The following ZKSCAN5 variants were observed in gnomAD, a reference collection of about 807,000 sequenced individuals.
ZKSCAN5 encodes the protein zinc finger with KRAB and SCAN domains 5.
Under a neutral mutation model 60.0 loss-of-function variants are expected in ZKSCAN5, and 28 were observed. That is an observed-to-expected ratio of 0.47 (90% CI 0.35 to 0.64). The LOEUF is 0.64. Ranked by LOEUF, ZKSCAN5 falls within the 30% of genes least tolerant of loss-of-function variation. The pLI is 0.01. For missense variants in ZKSCAN5, 881 were observed against 1,034.6 expected, an observed-to-expected ratio of 0.85 and a Z score of 2.04; for synonymous variants, 361 against 371.2, an observed-to-expected ratio of 0.97 and a Z score of 0.31.
intron 5 of ZKSCAN5, among the ~76,000 whole-genome samples, chr7:99,521,087 G>A (rs1224047248): frequency 6.6e-6 from 1 of 152,084 alleles, no homozygotes; most frequent in Non-Finnish European, 1.5e-5. Context: ...CAAACATTTT[G>A]GAGATTATAG....
At position 99,526,104 on chromosome 7, in the gene ZKSCAN5, T is replaced by C. The variant is rs1165242887; in HGVS notation, c.1064T>C (p.Phe355Ser). ...AGATGCAGCGATTGTGGCAAATTCT[T>C]CCTCCAAGCCTCAAACTTTATTCAG... is the stretch of plus-strand genomic sequence containing the variant. The part of the protein sequence containing the change: ...GHRCSDCGKF[F>S]LQASNFIQHR... The change falls in exon 6 of 7, where the codon TTC (phenylalanine) becomes TCC (serine). Residue 355 changes from phenylalanine (F) to serine (S), a missense_variant. This residue lies in a region of ZKSCAN5 where 490 missense variants were observed against 554.5 expected (regional missense o/e 0.88). Transcript: ENST00000326775. The C allele has an allele frequency of 6.2e-7, 1 of 1,614,136 alleles. No homozygotes were observed. Among genetic ancestry groups the C allele is most frequent in the East Asian group, 2.2e-5 (1 of 44,874 alleles).
rs1801795468 is a variant in ZKSCAN5, at chr7:99,526,416, G to A, written c.1376G>A (p.Arg459Lys). 1 of 1,597,720 alleles carries A rather than the reference G, an allele frequency of 6.3e-7. No individual in the cohort carries two copies. The highest frequency in any genetic ancestry group is 8.5e-7 in the Non-Finnish European group (1 of 1,178,552). Residue 459 changes from arginine (R) to lysine (K), a missense_variant and splice_region_variant, in exon 6 of 7, where the codon AGA becomes AAA. This residue lies in a region of ZKSCAN5 where 490 missense variants were observed against 554.5 expected (regional missense o/e 0.88). Transcript: ENST00000326775. ...LKRHFREKSQRCSDKRSKNTK... is the reference protein window; with the variant it reads ...LKRHFREKSQKCSDKRSKNTK... Reference sequence around the variant, plus strand: ...CGCCACTTCAGGGAGAAATCCCAGAGATGTACGTGTGAGGAGTTTATATCC... The same window carrying A: ...CGCCACTTCAGGGAGAAATCCCAGAAATGTACGTGTGAGGAGTTTATATCC...
intron 6 of ZKSCAN5, among the ~76,000 whole-genome samples, chr7:99,527,212 T>G (rs1003417415): frequency 1.3e-5 from 2 of 152,134 alleles, no homozygotes; most frequent in African/African-American, 2.4e-5. Flanking sequence ...GTGCCTGTAG[T>G]TGCAGCTCCT....
chr7:99,529,095 A>G lies in ZKSCAN5; in HGVS notation c.1379-2013A>G, dbSNP rs147294523. 5.4e-3 allele frequency among the ~76,000 whole-genome samples: 823 copies of G among 152,140 alleles called. 5 individuals are homozygous for G. Among genetic ancestry groups the G allele is most frequent in the African/African-American group, 0.018 (752 of 41,502 alleles). On this transcript the variant is annotated intron_variant, in intron 6 of 6. Coordinates refer to ENST00000326775, the MANE Select transcript of ZKSCAN5 (RefSeq NM_145102.4). ...ACCCTCTTCATCATCCTTCACTCTC[A>G]TTCTTCCAGTTTTTGTCAGTTCTCA...
intron 5 of ZKSCAN5, among the ~76,000 whole-genome samples, chr7:99,523,573 T>C (rs1290656371): frequency 6.6e-6 from 1 of 152,116 alleles, no homozygotes; most frequent in Non-Finnish European, 1.5e-5. Context: ...GCTGCTGTGT[T>C]CCAGCCTGGG....
chr7:99,507,539 ATATG>A (rs1192869446), intron 2 of ZKSCAN5, among the ~76,000 whole-genome samples: 1 of 143,854 alleles, frequency 7.0e-6, no homozygotes, highest in Non-Finnish European at 1.5e-5. Flanking sequence ...GTGTATATAT[ATATG>A]TATATATATG....
Position 99,525,918 on chromosome 7 carries a change from A to C in ZKSCAN5, c.878A>C (p.Asp293Ala). 1.2e-6 allele frequency: 2 copies of C among 1,614,082 alleles called. No individual in the cohort carries two copies. Among genetic ancestry groups the C allele is most frequent in the Non-Finnish European group, 1.7e-6 (2 of 1,180,038 alleles). ...PEHTERSVPQDPDFAEVSDLK... is the reference protein window; with the variant it reads ...PEHTERSVPQAPDFAEVSDLK... ...CACACCGAAAGGAGCGTTCCTCAGG[A>C]TCCAGACTTTGCAGAAGTCAGTGAC... is the stretch of plus-strand genomic sequence containing the variant. The change falls in exon 6 of 7, where the codon GAT (aspartate) becomes GCT (alanine). Residue 293 changes from aspartate to alanine, a missense_variant. Physicochemically the swap from Asp to Ala is moderately radical, Grantham distance 126. Coordinates refer to ENST00000326775, the MANE Select transcript of ZKSCAN5 (RefSeq NM_145102.4).
At position 99,533,256 on chromosome 7, in the gene ZKSCAN5, G is replaced by T; in HGVS notation, c.*1007G>T. ...TGGGATTGAAAGTAATCAGTCGTGA[G>T]CAGGCAGGCAGGAGGTCCTGTTAGC... On this transcript the variant is annotated 3_prime_UTR_variant, in exon 7 of 7. Transcript: ENST00000326775. 1.5e-6 allele frequency: 1 copy of T among 689,298 alleles called. No individual in the cohort carries two copies. The highest frequency in any genetic ancestry group is 2.7e-6 in the Non-Finnish European group (1 of 376,874). 42.7% of individuals were successfully genotyped at this position (689,298 alleles called of 1,614,324 possible).
At position 99,532,521 on chromosome 7, in the gene ZKSCAN5, C is replaced by G. The variant is rs183948169; in HGVS notation, c.*272C>G. Reference sequence around the variant, plus strand: ...CATGGATGGACATGGTCGAGGAATTCGGAAAGCCTGCAGTTGACATTCAGT... The same window carrying G: ...CATGGATGGACATGGTCGAGGAATTGGGAAAGCCTGCAGTTGACATTCAGT... On this transcript the variant is annotated 3_prime_UTR_variant, in exon 7 of 7. Transcript: ENST00000326775. The G allele has an allele frequency of 3.2e-6, 1 of 310,356 alleles. No individual in the cohort carries two copies. Among genetic ancestry groups the G allele is most frequent in the Non-Finnish European group, 5.9e-6 (1 of 169,944 alleles). The allele number at this position is 310,356 out of a possible 1,614,324, so 19.2% of individuals were successfully genotyped here. A position where few individuals can be genotyped will look rare whatever the true frequency, so the allele number is the denominator to read the frequency against.
chr7:99,520,023 G>T (rs1584188445), intron 4 of ZKSCAN5, 114 bp downstream of exon 4: 1 of 1,495,284 alleles, frequency 6.7e-7, no homozygotes, highest in East Asian at 2.3e-5. Context: ...CATTCCTTTG[G>T]CCTTTTTCCT....
intron 5 of ZKSCAN5, among the ~76,000 whole-genome samples, chr7:99,525,090 C>T (rs529444775): frequency 1.5e-3 from 223 of 151,764 alleles, no homozygotes; most frequent in African/African-American, 5.0e-3. Flanking sequence ...CACTTGAACC[C>T]GGGAGGCAGA....
chr7:99,530,034 C>CT (rs34431974), intron 6 of ZKSCAN5, among the ~76,000 whole-genome samples: 8,065 of 105,130 alleles, frequency 0.077, 712 homozygotes, highest in African/African-American at 0.13. Context: ...TGCACCCGGC[C>CT]TTTTTTTTTT....
intron 2 of ZKSCAN5, among the ~76,000 whole-genome samples, chr7:99,506,776 G>A (rs1800752399): frequency 1.3e-5 from 2 of 152,100 alleles, no homozygotes; most frequent in Non-Finnish European, 2.9e-5. Context: ...TCCGCCTCCC[G>A]GGTTCACGCC....
At chr7:99,520,105 T>A in intron 4 of ZKSCAN5, 64 bp from the exon 5 acceptor site, 1 of 1,592,870 alleles carries the variant, frequency 6.3e-7, no homozygotes, top group Non-Finnish European at 8.6e-7. Context: ...ATGAGCCCAG[T>A]TCTTCCCCTC....
chr7:99,510,191 C>A (rs1186604948), intron 2 of ZKSCAN5, among the ~76,000 whole-genome samples: 3 of 151,770 alleles, frequency 2.0e-5, no homozygotes, highest in Non-Finnish European at 4.4e-5. Flanking sequence ...GCGTTGGCCT[C>A]CCAAGGTGCT....
At chr7:99,517,852 A>G (rs1801334074) in intron 3 of ZKSCAN5, among the ~76,000 whole-genome samples, 2 of 152,124 alleles carry the variant, frequency 1.3e-5, no homozygotes, top group South Asian at 4.1e-4. Flanking sequence ...GTCTCAAAAA[A>G]AAAAAAAAGA....
At position 99,533,709 on chromosome 7, in the gene ZKSCAN5, C is replaced by G; in HGVS notation, c.*1460C>G. 2.5e-6 allele frequency: 1 copy of G among 399,520 alleles called. No individual in the cohort carries two copies. 24.7% of individuals were successfully genotyped at this position (399,520 alleles called of 1,614,324 possible). A position where few individuals can be genotyped will look rare whatever the true frequency, so the allele number is the denominator to read the frequency against. On this transcript the variant is annotated 3_prime_UTR_variant, in exon 7 of 7. Coordinates refer to ENST00000326775, the MANE Select transcript of ZKSCAN5 (RefSeq NM_145102.4). ...TATGACTGCTCTGGCACCCTTGGAT[C>G]AGGCCAAGCTAGACTTTTTCTGAGC... is the stretch of plus-strand genomic sequence containing the variant.
At chr7:99,513,256 G>A (rs933880278) in intron 3 of ZKSCAN5, among the ~76,000 whole-genome samples, 7 of 151,788 alleles carry the variant, frequency 4.6e-5, no homozygotes, top group African/African-American at 1.7e-4. Flanking sequence ...ACATGCACAC[G>A]TATGTTTATT....
rs745336324 is a variant in ZKSCAN5 at position 99,506,033 on chromosome 7, C to T, written c.-12C>T. 2 of 1,607,874 alleles carry T rather than the reference C, an allele frequency of 1.2e-6. No homozygotes were observed. The highest frequency in any genetic ancestry group is 2.2e-5 in the East Asian group (1 of 44,740). On this transcript the variant is annotated 5_prime_UTR_variant, in exon 2 of 7. Transcript: ENST00000326775. ...AACACAGCCAGCCTCGAAGACTTCCCTCTGAGTTGGAATGATAATGACCGA... is the reference window on the plus strand; with the variant it reads ...AACACAGCCAGCCTCGAAGACTTCCTTCTGAGTTGGAATGATAATGACCGA...
Sources: gnomAD v4.1 joint callset for allele counts (sites outside exome capture counted in the v4.1 genomes callset) on GRCh38, gnomAD v4.1.1 for gene constraint, gnomAD v4.1.1 regional missense constraint, MANE v1.5 for transcripts, NCBI Gene and HGNC (gene_info 2026-07-23, HGNC 2026-07-21) for gene names.